The following SULT1E1 variants were observed in gnomAD, a reference collection of about 807,000 sequenced individuals.
The protein encoded by SULT1E1 is sulfotransferase 1E1.
In SULT1E1, 36 loss-of-function variants were observed where a neutral mutation model predicts 33.6. That is an observed-to-expected ratio of 1.07 (90% CI 0.82 to 1.41). The LOEUF (loss-of-function observed/expected upper bound fraction) is 1.41, where lower values mean the gene tolerates loss of function less well. SULT1E1 is among the 40% of genes most tolerant of loss of function. The pLI is 0.00. For missense variants in SULT1E1, 371 were observed against 345.7 expected (o/e 1.07, Z -0.58); for synonymous variants, 121 against 111.7 (o/e 1.08, Z -0.53).
intron 1 of SULT1E1, among the ~76,000 whole-genome samples, chr4:69,858,833 C>A (rs541565703): frequency 5.9e-5 from 9 of 152,168 alleles, no homozygotes; most frequent in Non-Finnish European, 1.2e-4. Context: ...ATTTGTCCTG[C>A]CTATTGGTTT....
downstream of SULT1E1, among the ~76,000 whole-genome samples, chr4:69,840,387 G>A (rs1720860257): frequency 6.6e-6 from 1 of 152,078 alleles, no homozygotes; most frequent in Admixed American, 6.5e-5. Context: ...AATATGTAAT[G>A]ATCTTGTGTC....
chr4:69,842,768 C>A (rs372000110), intron 7 of SULT1E1, among the ~76,000 whole-genome samples: 1 of 152,072 alleles, frequency 6.6e-6, no homozygotes, highest in African/African-American at 2.4e-5. Flanking sequence ...AATAGTCCAG[C>A]AGGCTTTTCC....
chr4:69,826,637 C>A, the SULT1E1 span, among the ~76,000 whole-genome samples: 22 of 152,226 alleles, frequency 1.4e-4, no homozygotes, highest in African/African-American at 5.1e-4. Flanking sequence ...ATTTGGCCCA[C>A]AAACCCTGAA....
the SULT1E1 span, among the ~76,000 whole-genome samples, chr4:69,825,644 C>G: frequency 1.3e-5 from 2 of 152,170 alleles, no homozygotes; most frequent in South Asian, 4.1e-4. Context: ...CCAGTTTCTG[C>G]TTTTCCTGTA....
chr4:69,822,777 T>C, the SULT1E1 span, among the ~76,000 whole-genome samples: 1 of 152,338 alleles, frequency 6.6e-6, no homozygotes, highest in Non-Finnish European at 1.5e-5. Flanking sequence ...GGAATCCATT[T>C]CTGATTTAGC....
At chr4:69,837,341 G>A (rs907487445), downstream of SULT1E1, among the ~76,000 whole-genome samples, 1 of 151,936 alleles carries the variant, frequency 6.6e-6, no homozygotes, top group Non-Finnish European at 1.5e-5. Flanking sequence ...CTGACACATA[G>A]CAATGATCAA....
At chr4:69,850,153 T>G (rs552371779) in intron 4 of SULT1E1, among the ~76,000 whole-genome samples, 1 of 152,222 alleles carries the variant, frequency 6.6e-6, no homozygotes, top group Non-Finnish European at 1.5e-5. Context: ...ACCAATGAAT[T>G]AGTTTTCAGA....
At chr4:69,849,350 C>G in intron 5 of SULT1E1, 87 bp downstream of exon 5, 6 of 1,488,878 alleles carry the variant, frequency 4.0e-6, no homozygotes, top group Non-Finnish European at 5.5e-6. Flanking sequence ...AGAAAACGTA[C>G]CAGAACAGTT....
chr4:69,822,792 C>T, the SULT1E1 span, among the ~76,000 whole-genome samples: 1 of 152,018 alleles, frequency 6.6e-6, no homozygotes, highest in Non-Finnish European at 1.5e-5. Flanking sequence ...TTTAGCTTTC[C>T]CCCTCGACCG....
intron 5 of SULT1E1, among the ~76,000 whole-genome samples, chr4:69,848,792 G>C (rs1721036877): frequency 6.6e-6 from 1 of 151,750 alleles, no homozygotes; most frequent in Non-Finnish European, 1.5e-5. Flanking sequence ...TGATCAGAAT[G>C]GCCTTCTTTA....
chr4:69,835,859 G>A, the SULT1E1 span, among the ~76,000 whole-genome samples: 4 of 152,148 alleles, frequency 2.6e-5, no homozygotes, highest in Non-Finnish European at 4.4e-5. Context: ...GCCCAGGCTG[G>A]TCTCAAACTC....
rs768780611 is a variant in SULT1E1, at chr4:69,847,811, A to C, written c.497-19T>G. 1 of 1,551,532 alleles carries C rather than the reference A, an allele frequency of 6.4e-7. No individual in the cohort carries two copies. The highest frequency in any genetic ancestry group is 1.1e-5 in the South Asian group (1 of 88,554). ...TAAGGAACTAAAATTAGAGAGAAAA[A>C]CAGTGTAAAAGTGGTATCATCTCTA... On this transcript the variant is annotated intron_variant, in intron 5 of 7. Transcript: ENST00000226444.
chr4:69,830,841 T>C, the SULT1E1 span, among the ~76,000 whole-genome samples: 266 of 152,278 alleles, frequency 1.7e-3, 1 homozygote, highest in Middle Eastern at 0.014. Flanking sequence ...CTTCTCTGTG[T>C]AGGAGGGAGC....
rs1037201506 is a variant in SULT1E1 at position 69,849,625 on chromosome 4, T to A, written c.370-62A>T. 6.2e-6 allele frequency: 9 copies of A among 1,451,266 alleles called. No homozygotes were observed. In the African/African-American group the frequency reaches 1.3e-4, roughly 21 times the overall value. 89.9% of individuals were successfully genotyped at this position (1,451,266 alleles called of 1,614,324 possible). ...TTTTTTTCAAACAGTCTCATCAAGA[T>A]TTTTTTAAAAAGGATTTACATTTTC... is the stretch of plus-strand genomic sequence containing the variant. On this transcript the variant is annotated intron_variant, in intron 4 of 7. Transcript: ENST00000226444.
chr4:69,831,975 C>T, the SULT1E1 span, among the ~76,000 whole-genome samples: 2 of 152,182 alleles, frequency 1.3e-5, no homozygotes, highest in Admixed American at 1.3e-4. Flanking sequence ...ACTGACTTAG[C>T]AATCCTCTCT....
At chr4:69,823,156 G>C in the SULT1E1 span, among the ~76,000 whole-genome samples, 2 of 152,060 alleles carry the variant, frequency 1.3e-5, no homozygotes, top group African/African-American at 4.8e-5. Flanking sequence ...ACAAAGACAA[G>C]GTTTTGTTTA....
chr4:69,822,203 G>A, the SULT1E1 span, among the ~76,000 whole-genome samples: 851 of 152,200 alleles, frequency 5.6e-3, 8 homozygotes, highest in African/African-American at 0.02. Flanking sequence ...ACAGATCAGG[G>A]TAACTTATTC....
At chr4:69,836,503 G>C (rs1323224843), downstream of SULT1E1, among the ~76,000 whole-genome samples, 1 of 152,136 alleles carries the variant, frequency 6.6e-6, no homozygotes, top group Non-Finnish European at 1.5e-5. Context: ...TTCTAACATA[G>C]GTATTTGGTG....
intron 4 of SULT1E1, among the ~76,000 whole-genome samples, chr4:69,851,388 G>A (rs1254980538): frequency 2.0e-5 from 3 of 152,062 alleles, no homozygotes; most frequent in African/African-American, 4.8e-5. Context: ...CAGCATCACT[G>A]GCCATCAGAG....
Sources: gnomAD v4.1 joint callset for allele counts (sites outside exome capture counted in the v4.1 genomes callset) on GRCh38, gnomAD v4.1.1 for gene constraint, MANE v1.5 for transcripts, NCBI Gene and HGNC (gene_info 2026-07-23, HGNC 2026-07-21) for gene names.